Variants in GK observed in about 807,000 individuals in gnomAD.
The protein encoded by GK is ATP:glycerol 3-phosphotransferase.
Under a neutral mutation model 56.4 loss-of-function variants are expected in GK, and 9 were observed. The observed-to-expected ratio is 0.16, with a 90% CI of 0.10 to 0.28. GK has a LOEUF of 0.28. Among genes scored for constraint, GK ranks in the 10% least tolerant of loss-of-function variants. The probability of loss-of-function intolerance (pLI) is 1.00; values close to 1 mark genes in which losing one functional copy is unlikely to be tolerated. For missense variants in GK, 161 were observed against 431.4 expected (o/e 0.37, Z 5.55); for synonymous variants, 104 against 144.1 (o/e 0.72, Z 1.99).
At chrX:30,697,698 T>C in intron 8 of GK, 34 bp from the exon 9 acceptor site, 1 of 1,053,474 alleles carries the variant, frequency 9.5e-7, no homozygotes, top group Non-Finnish European at 1.3e-6. Flanking sequence ...AATATTATGC[T>C]TCTATCCTTC....
intron 13 of GK, among the ~76,000 whole-genome samples, chrX:30,716,711 T>C (rs960743540): frequency 2.7e-5 from 3 of 112,000 alleles, no homozygotes; most frequent in African/African-American, 9.7e-5. Context: ...TAAACCAAAA[T>C]TTTACTTAGT....
intron 3 of GK, chrX:30,674,504 C>A (rs1394915434): frequency 1.2e-5 from 3 of 254,908 alleles, no homozygotes; most frequent in Admixed American, 4.4e-5. Flanking sequence ...CAGTCAGAAC[C>A]AAGTCCCCAT....
intron 1 of GK, among the ~76,000 whole-genome samples, chrX:30,659,612 T>G (rs1018977726): frequency 1.8e-5 from 2 of 112,130 alleles, no homozygotes; most frequent in Non-Finnish European, 3.8e-5. Context: ...ACATTTATGA[T>G]AGGACAGATG....
At chrX:30,659,552 T>C (rs1202427619) in intron 1 of GK, among the ~76,000 whole-genome samples, 1 of 111,352 alleles carries the variant, frequency 9.0e-6, no homozygotes, top group Non-Finnish European at 1.9e-5. Flanking sequence ...TAGTGTGTCA[T>C]AAAAGAGTAG....
intron 9 of GK, among the ~76,000 whole-genome samples, chrX:30,698,630 G>GGAGGCGGAGCTTGCAGT (rs1935369016): frequency 9.2e-6 from 1 of 108,296 alleles, no homozygotes; most frequent in African/African-American, 3.4e-5. Flanking sequence ...CGTGAACCTG[G>GGAGGCGGAGCTTGCAGT]GAGGCGGAGC....
At chrX:30,673,415 T>C (rs1933675244) in intron 3 of GK, among the ~76,000 whole-genome samples, 1 of 112,267 alleles carries the variant, frequency 8.9e-6, no homozygotes, top group Non-Finnish European at 1.9e-5. Flanking sequence ...CCATTAGGAA[T>C]GGCACATGTG....
chrX:30,718,418 G>A (rs757116526), intron 13 of GK, 120 bp from the exon 14 acceptor site: 15 of 512,023 alleles, frequency 2.9e-5, no homozygotes, highest in African/African-American at 1.9e-4. Context: ...CATATTTGTC[G>A]GAGTCTCAAA....
At chrX:30,660,916 G>T (rs951039014) in intron 1 of GK, among the ~76,000 whole-genome samples, 1 of 105,071 alleles carries the variant, frequency 9.5e-6, no homozygotes, top group Non-Finnish European at 1.9e-5. Flanking sequence ...GGGTTCAATC[G>T]ATTCTCCTGC....
intron 11 of GK, among the ~76,000 whole-genome samples, chrX:30,701,695 T>C (rs921689120): frequency 3.9e-4 from 44 of 112,622 alleles, no homozygotes; most frequent in African/African-American, 1.4e-3. Context: ...TTGTGCTTTC[T>C]CTCCATTATC....
At chrX:30,716,201 G>A (rs969783561) in intron 13 of GK, among the ~76,000 whole-genome samples, 2 of 112,006 alleles carry the variant, frequency 1.8e-5, no homozygotes, top group Non-Finnish European at 3.8e-5. Context: ...CTAAAAATTC[G>A]CAGTTTAACT....
chrX:30,674,343 C>T (rs763191133), intron 3 of GK: 1 of 330,748 alleles, frequency 3.0e-6, no homozygotes. Flanking sequence ...TGAGGGTCTG[C>T]GGCCTTAAAT....
intron 4 of GK, among the ~76,000 whole-genome samples, chrX:30,685,980 C>G (rs1437089778): frequency 2.7e-5 from 3 of 112,398 alleles, no homozygotes; most frequent in African/African-American, 9.7e-5. Context: ...GGCTGATAGC[C>G]TTTTTCATCC....
chrX:30,671,913 G>A (rs1182372853), intron 3 of GK: 1 of 110,747 alleles, frequency 9.0e-6, no homozygotes, highest in African/African-American at 3.3e-5. Context: ...GGAGGCCGAG[G>A]CGGGTGGATC....
At chrX:30,718,428 A>G in intron 13 of GK, 110 bp from the exon 14 acceptor site, 1 of 537,963 alleles carries the variant, frequency 1.9e-6, no homozygotes, top group Non-Finnish European at 3.3e-6. Context: ...GGAGTCTCAA[A>G]ATGGAAACTG....
chrX:30,685,145 T>C (rs1385319777), intron 4 of GK, among the ~76,000 whole-genome samples: 2 of 111,288 alleles, frequency 1.8e-5, no homozygotes, highest in Non-Finnish European at 3.8e-5. Flanking sequence ...TTTTTCTTTT[T>C]TTTTGAGACG....
intron 3 of GK, chrX:30,674,439 C>T: frequency 6.3e-6 from 2 of 319,792 alleles, no homozygotes; most frequent in Admixed American, 6.3e-5. Flanking sequence ...TTCTGCCCCA[C>T]TTGGAGCTCC....
chrX:30,695,031 A>G (rs1401227395), intron 6 of GK: 1 of 344,588 alleles, frequency 2.9e-6, no homozygotes, highest in African/African-American at 2.6e-5. Flanking sequence ...GCAATCATCA[A>G]CCTATGGCCA....
At chrX:30,721,893 A>G (rs959192986) in intron 18 of GK, 3 of 112,718 alleles carry the variant, frequency 2.7e-5, no homozygotes, top group Admixed American at 9.4e-5. Flanking sequence ...TAAATGTAGA[A>G]AAATAAGGTT....
intron 11 of GK, among the ~76,000 whole-genome samples, chrX:30,703,724 G>A (rs1160354666): frequency 1.8e-5 from 2 of 111,121 alleles, no homozygotes; most frequent in African/African-American, 6.6e-5. Flanking sequence ...ACTTTGGGAG[G>A]CCAAGGCAGG....
Sources: gnomAD v4.1 joint callset for allele counts (sites outside exome capture counted in the v4.1 genomes callset) on GRCh38, gnomAD v4.1.1 for gene constraint, MANE v1.5 for transcripts, NCBI Gene and HGNC (gene_info 2026-07-23, HGNC 2026-07-21) for gene names.